Variants in AGBL4 observed in about 807,000 individuals in gnomAD.
The protein encoded by AGBL4 is AGBL carboxypeptidase 4, also known as cytosolic carboxypeptidase 6.
A neutral mutation model predicts 66.4 loss-of-function variants in AGBL4; 58 were observed. That is an observed-to-expected ratio of 0.87 (90% CI 0.71 to 1.09). AGBL4 has a LOEUF of 1.09. Ranked by LOEUF, AGBL4 falls within the 50% of genes least tolerant of loss-of-function variation. AGBL4 has a pLI of 0.00. For synonymous variants in AGBL4, 234 were observed against 222.9 expected (o/e 1.05, Z -0.44); for missense variants, 579 against 631.0 (o/e 0.92, Z 0.88).
At chr1:49,891,310 T>C (rs1050643548) in intron 1 of AGBL4, among the ~76,000 whole-genome samples, 5 of 152,146 alleles carry the variant, frequency 3.3e-5, no homozygotes, top group African/African-American at 1.2e-4. Flanking sequence ...ATCACTGAAA[T>C]GGAATGAAGA....
At chr1:49,391,753 G>C (rs761745212) in intron 3 of AGBL4, among the ~76,000 whole-genome samples, 4 of 151,870 alleles carry the variant, frequency 2.6e-5, no homozygotes, top group Non-Finnish European at 4.4e-5. Context: ...AGTGGAGATG[G>C]GGTTTCACTG....
chr1:49,675,211 C>T (rs1646556057), intron 3 of AGBL4, among the ~76,000 whole-genome samples: 6 of 151,736 alleles, frequency 4.0e-5, no homozygotes, highest in Admixed American at 3.9e-4. Flanking sequence ...GGAACCTAGA[C>T]AAGATAATTA....
At chr1:49,844,867 G>A (rs1300807926) in intron 2 of AGBL4, 11 of 1,482,088 alleles carry the variant, frequency 7.4e-6, no homozygotes, top group Non-Finnish European at 9.4e-7. Context: ...GAGCCTGGCA[G>A]TGCTGGCAGC....
intron 1 of AGBL4, among the ~76,000 whole-genome samples, chr1:49,948,485 A>T (rs1403884793): frequency 1.6e-5 from 2 of 128,304 alleles, no homozygotes; most frequent in African/African-American, 5.9e-5. Context: ...ATATAAATAT[A>T]AATATATAAA....
At position 48,736,093 on chromosome 1, in the gene AGBL4, G is replaced by T; in HGVS notation, c.635-72852C>A. 1.2e-6 allele frequency: 1 copy of T among 833,244 alleles called. No individual in the cohort carries two copies. The highest frequency in any genetic ancestry group is 1.9e-6 in the Non-Finnish European group (1 of 521,656). The allele number at this position is 833,244 out of a possible 1,614,324, so 51.6% of individuals were successfully genotyped here. A position where few individuals can be genotyped will look rare whatever the true frequency, so the allele number is the denominator to read the frequency against. ...ATGTGAGCTCTTCTGGGGCATTTGG[G>T]TTATCCGCTTGGTGTCCCCGGGCTC... On this transcript the variant is annotated intron_variant, in intron 6 of 13. Transcript: ENST00000371839. The surrounding 1 kb of genome is among the most constrained non-coding windows in gnomAD (Gnocchi z 4.0).
intron 4 of AGBL4, among the ~76,000 whole-genome samples, chr1:49,153,661 C>T (rs1382707570): frequency 2.0e-5 from 3 of 151,370 alleles, no homozygotes; most frequent in African/African-American, 7.4e-5. Flanking sequence ...GGAGTTTTAG[C>T]CCTTCTTTTC....
chr1:48,770,166 C>T (rs887677651), intron 6 of AGBL4, among the ~76,000 whole-genome samples: 1 of 152,228 alleles, frequency 6.6e-6, no homozygotes, highest in Non-Finnish European at 1.5e-5. Flanking sequence ...AAGAGCAAGG[C>T]TGATCCTTCC....
chr1:49,540,688 C>T (rs968351338), intron 3 of AGBL4, among the ~76,000 whole-genome samples: 5 of 151,998 alleles, frequency 3.3e-5, no homozygotes, highest in African/African-American at 1.2e-4. Flanking sequence ...ACTTCTATAT[C>T]CAAGTGAGAA....
chr1:49,703,525 T>TA (rs776360933), intron 2 of AGBL4, among the ~76,000 whole-genome samples: 425 of 141,580 alleles, frequency 3.0e-3, no homozygotes, highest in Non-Finnish European at 3.3e-3. Context: ...CATTCATGAT[T>TA]AAAAAAAAAA....
intron 1 of AGBL4, among the ~76,000 whole-genome samples, chr1:50,011,971 A>C (rs1557659478): frequency 1.3e-5 from 2 of 152,048 alleles, no homozygotes; most frequent in African/African-American, 2.4e-5. Flanking sequence ...CATCCTGGCT[A>C]ACAAGGTGAA....
At chr1:49,631,972 A>C (rs1571212896) in intron 3 of AGBL4, among the ~76,000 whole-genome samples, 1 of 152,308 alleles carries the variant, frequency 6.6e-6, no homozygotes, top group Middle Eastern at 3.4e-3. Context: ...CCAGGGGAGC[A>C]GAATTCTGGC....
At chr1:49,789,556 C>A (rs1363155798) in intron 2 of AGBL4, among the ~76,000 whole-genome samples, 2 of 152,060 alleles carry the variant, frequency 1.3e-5, no homozygotes, top group Non-Finnish European at 2.9e-5. Context: ...AAACAGAGAG[C>A]CAATTCATGA....
rs560509869 is a variant in AGBL4, at chr1:49,991,177, T to A, written c.34+32586A>T. Among the ~76,000 whole-genome samples, 11 of 152,308 alleles carry A rather than the reference T, an allele frequency of 7.2e-5. 1 individual carries two copies. In the South Asian group the frequency reaches 2.3e-3, roughly 32 times the overall value. ...ACTGCAATATTTACGTATAATAACC[T>A]TTCATTTATGAGACAGAACATTATG... On this transcript the variant is annotated intron_variant, in intron 1 of 13. Coordinates refer to ENST00000371839, the MANE Select transcript of AGBL4 (RefSeq NM_032785.4).
At chr1:49,124,200 A>G (rs1039975567) in intron 4 of AGBL4, among the ~76,000 whole-genome samples, 2 of 152,346 alleles carry the variant, frequency 1.3e-5, no homozygotes. Flanking sequence ...CTAAGCATGT[A>G]TCTGAATACT....
intron 1 of AGBL4, among the ~76,000 whole-genome samples, chr1:49,857,700 T>C (rs187881578): frequency 6.6e-6 from 1 of 152,238 alleles, no homozygotes; most frequent in African/African-American, 2.4e-5. Context: ...CTAGACCCCA[T>C]CTCTCACCAT....
intron 1 of AGBL4, among the ~76,000 whole-genome samples, chr1:49,903,859 G>A (rs1293918322): frequency 1.3e-5 from 2 of 152,158 alleles, no homozygotes; most frequent in African/African-American, 4.8e-5. Context: ...CTGATTAGCA[G>A]TCTCAAGCAC....
intron 3 of AGBL4, among the ~76,000 whole-genome samples, chr1:49,278,662 C>A (rs1467096111): frequency 6.6e-6 from 1 of 152,070 alleles, no homozygotes; most frequent in South Asian, 2.1e-4. Context: ...CAGTCAGTAT[C>A]CAGGCTATAA....
chr1:49,254,018 A>G (rs1385542621), intron 3 of AGBL4, among the ~76,000 whole-genome samples: 6 of 152,208 alleles, frequency 3.9e-5, no homozygotes, highest in African/African-American at 7.2e-5. Flanking sequence ...ACATACCTCA[A>G]AATAATAAGA....
chr1:49,102,268 T>A (rs1645216503), intron 4 of AGBL4, among the ~76,000 whole-genome samples: 1 of 152,090 alleles, frequency 6.6e-6, no homozygotes. Flanking sequence ...CAGACACTAT[T>A]TTAGAGTGGA....
Sources: gnomAD v4.1 joint callset for allele counts (sites outside exome capture counted in the v4.1 genomes callset) on GRCh38, gnomAD v4.1.1 for gene constraint, Gnocchi (gnomAD v3.1) non-coding constraint, MANE v1.5 for transcripts, NCBI Gene and HGNC (gene_info 2026-07-23, HGNC 2026-07-21) for gene names.